Variants in CMTM8 observed in about 807,000 individuals in gnomAD.
The protein encoded by CMTM8 is CKLF like MARVEL transmembrane domain containing 8, also known as CKLF-like MARVEL transmembrane domain-containing protein 8.
CMTM8 carries 12 observed loss-of-function variants against 18.6 expected under a neutral mutation model. The ratio of observed to expected loss-of-function variants is 0.65; its 90% CI spans 0.41 to 1.05. CMTM8 has a LOEUF of 1.05. Among genes scored for constraint, CMTM8 ranks in the 50% least tolerant of loss-of-function variants. The pLI, the probability that CMTM8 is intolerant of heterozygous loss-of-function variation, is 0.00. For synonymous variants in CMTM8, 87 were observed against 90.6 expected, an observed-to-expected ratio of 0.96 and a Z score of 0.23; for missense variants, 217 against 227.2, an observed-to-expected ratio of 0.95 and a Z score of 0.29.
chr3:32,321,176 G>C (rs1696041212), intron 1 of CMTM8, among the ~76,000 whole-genome samples: 1 of 150,382 alleles, frequency 6.6e-6, no homozygotes, highest in East Asian at 2.1e-4. Context: ...GGGGTGAAGC[G>C]GCGGGGGGGC....
chr3:32,331,158 C>T (rs1198631341), intron 1 of CMTM8, among the ~76,000 whole-genome samples: 6 of 152,160 alleles, frequency 3.9e-5, no homozygotes, highest in African/African-American at 1.4e-4. Flanking sequence ...GGGGAAAGGA[C>T]TTGAGTAGAC....
chr3:32,242,252 G>A (rs1180667613), intron 1 of CMTM8, among the ~76,000 whole-genome samples: 1 of 152,236 alleles, frequency 6.6e-6, no homozygotes, highest in Non-Finnish European at 1.5e-5. Context: ...ACTAGGTAGA[G>A]AGTGTTAGAC....
intron 1 of CMTM8, among the ~76,000 whole-genome samples, chr3:32,288,388 C>T (rs1298692349): frequency 6.6e-6 from 1 of 152,142 alleles, no homozygotes; most frequent in Admixed American, 6.5e-5. Flanking sequence ...TCAAGTGATC[C>T]TCCCACCTCA....
At chr3:32,333,062 A>G (rs1696311583) in intron 1 of CMTM8, among the ~76,000 whole-genome samples, 1 of 152,212 alleles carries the variant, frequency 6.6e-6, no homozygotes, top group Admixed American at 6.5e-5. Flanking sequence ...AGAATAGTAA[A>G]TATTTTAGAC....
At position 32,331,531 on chromosome 3, in the gene CMTM8, CAATG is replaced by C. The variant is rs1407822071; in HGVS notation, c.148-25839_148-25836del. On this transcript the variant is annotated intron_variant, in intron 1 of 3. Transcript: ENST00000307526. ...TAAATTCAGCTGATTAAAAAAAAAA[CAATG>C]AACAAATAAACCATACAAAAAAAAA... Among the ~76,000 whole-genome samples the C allele has an allele frequency of 9.9e-5, 14 of 141,480 alleles. No individual in the cohort carries two copies. The East Asian group carries it at 2.2e-3, about 23-fold the overall frequency. 92.8% of individuals were successfully genotyped at this position (141,480 alleles called of 152,430 possible). A position where few individuals can be genotyped will look rare whatever the true frequency, so the allele number is the denominator to read the frequency against.
At chr3:32,350,483 G>T (rs532644086) in intron 1 of CMTM8, among the ~76,000 whole-genome samples, 1 of 148,730 alleles carries the variant, frequency 6.7e-6, no homozygotes, top group African/African-American at 2.5e-5. Context: ...TCAGCCTCCC[G>T]AGTAGCTGGG....
At chr3:32,362,721 T>A (rs1048432756) in intron 2 of CMTM8, among the ~76,000 whole-genome samples, 1 of 152,204 alleles carries the variant, frequency 6.6e-6, no homozygotes, top group African/African-American at 2.4e-5. Flanking sequence ...TTATTGTAAA[T>A]CTTCCAAAAG....
intron 1 of CMTM8, among the ~76,000 whole-genome samples, chr3:32,350,336 C>T (rs1696680822): frequency 6.6e-6 from 1 of 151,462 alleles, no homozygotes; most frequent in Non-Finnish European, 1.5e-5. Context: ...AGTCAGTTAT[C>T]CATTGTTCAT....
chr3:32,345,762 G>A (rs1419098449), intron 1 of CMTM8, among the ~76,000 whole-genome samples: 1 of 152,184 alleles, frequency 6.6e-6, no homozygotes, highest in Non-Finnish European at 1.5e-5. Context: ...GACGGTTCTG[G>A]AGATTTAAGC....
chr3:32,327,317 A>G (rs1051215001), intron 1 of CMTM8, among the ~76,000 whole-genome samples: 2 of 152,238 alleles, frequency 1.3e-5, no homozygotes, highest in African/African-American at 4.8e-5. Flanking sequence ...TTAGAAAAAA[A>G]TCCCTTAAAA....
intron 1 of CMTM8, among the ~76,000 whole-genome samples, chr3:32,247,968 A>G (rs1452503181): frequency 1.3e-5 from 2 of 152,126 alleles, no homozygotes; most frequent in African/African-American, 2.4e-5. Flanking sequence ...ATGGAATCCT[A>G]TGTGGCCCTT....
chr3:32,312,483 G>A (rs1695838650), intron 1 of CMTM8, among the ~76,000 whole-genome samples: 1 of 152,168 alleles, frequency 6.6e-6, no homozygotes, highest in Non-Finnish European at 1.5e-5. Context: ...CAGAAGCTGA[G>A]GTACCCAGGG....
chr3:32,266,985 T>A (rs1449029450), intron 1 of CMTM8, among the ~76,000 whole-genome samples: 2 of 152,178 alleles, frequency 1.3e-5, no homozygotes, highest in Non-Finnish European at 2.9e-5. Context: ...TCCATGCTCA[T>A]GGATAGGAAG....
intron 1 of CMTM8, among the ~76,000 whole-genome samples, chr3:32,332,714 C>G (rs1696304763): frequency 6.6e-6 from 1 of 152,124 alleles, no homozygotes; most frequent in South Asian, 2.1e-4. Flanking sequence ...CTCTGGGGGC[C>G]TCCTGTAAGA....
intron 1 of CMTM8, among the ~76,000 whole-genome samples, chr3:32,307,102 G>A (rs759734310): frequency 4.0e-5 from 6 of 151,416 alleles, no homozygotes; most frequent in Non-Finnish European, 7.4e-5. Flanking sequence ...AGCACTTTGG[G>A]AGGCCGAGGT....
chr3:32,366,689 A>G (rs78012266), intron 2 of CMTM8, among the ~76,000 whole-genome samples: 4,080 of 152,344 alleles, frequency 0.027, 174 homozygotes, highest in African/African-American at 0.092. Flanking sequence ...GCGTGACTCT[A>G]TATTCTAAGA....
At chr3:32,321,030 G>A (rs2125577237) in intron 1 of CMTM8, among the ~76,000 whole-genome samples, 1 of 152,172 alleles carries the variant, frequency 6.6e-6, no homozygotes, top group South Asian at 2.1e-4. Context: ...TTTTTCTGGA[G>A]TTTTCCAGGG....
chr3:32,283,919 TGAAATA>T (rs1702640333), intron 1 of CMTM8, among the ~76,000 whole-genome samples: 2 of 152,348 alleles, frequency 1.3e-5, no homozygotes, highest in South Asian at 4.1e-4. Flanking sequence ...AAAAAGGATT[TGAAATA>T]GCTTTATGAG....
intron 1 of CMTM8, among the ~76,000 whole-genome samples, chr3:32,343,781 C>T (rs1055041080): frequency 6.6e-6 from 1 of 152,166 alleles, no homozygotes; most frequent in Non-Finnish European, 1.5e-5. Context: ...GTCACTGCAA[C>T]CCCAGCTTCC....
Sources: gnomAD v4.1 joint callset for allele counts (sites outside exome capture counted in the v4.1 genomes callset) on GRCh38, gnomAD v4.1.1 for gene constraint, MANE v1.5 for transcripts, NCBI Gene and HGNC (gene_info 2026-07-23, HGNC 2026-07-21) for gene names.